TRHDE: variants seen among roughly 807,000 people sequenced by gnomAD.
TRHDE encodes the protein thyrotropin-releasing hormone-degrading ectoenzyme.
TRHDE carries 72 observed loss-of-function variants against 125.7 expected under a neutral mutation model. The observed-to-expected ratio is 0.57, with a 90% CI of 0.47 to 0.70. TRHDE has a LOEUF of 0.70. Ranked by LOEUF, TRHDE falls within the 30% of genes least tolerant of loss-of-function variation. The pLI, the probability that TRHDE is intolerant of heterozygous loss-of-function variation, is 0.00. For missense variants in TRHDE, 1,110 were observed against 1,327.1 expected (o/e 0.84, Z 2.54); for synonymous variants, 509 against 509.1 (o/e 1.00, Z 0.00).
intron 5 of TRHDE, among the ~76,000 whole-genome samples, chr12:72,483,344 G>T (rs1039969689): frequency 1.3e-5 from 2 of 151,882 alleles, no homozygotes; most frequent in Non-Finnish European, 2.9e-5. Context: ...TTGGCTGTCT[G>T]CTACTTAATA....
intron 2 of TRHDE, among the ~76,000 whole-genome samples, chr12:72,157,031 A>G (rs772860341): frequency 6.6e-6 from 1 of 152,206 alleles, no homozygotes; most frequent in Non-Finnish European, 1.5e-5. Flanking sequence ...ATTTCCAAGC[A>G]GTGAACAAGT....
intron 2 of TRHDE, among the ~76,000 whole-genome samples, chr12:72,211,470 G>T (rs1193850858): frequency 2.6e-5 from 4 of 152,168 alleles, no homozygotes; most frequent in Admixed American, 6.5e-5. Flanking sequence ...AAAATAGTCA[G>T]TCTATCAGAA....
At chr12:72,613,053 C>A (rs1031973818) in intron 12 of TRHDE, among the ~76,000 whole-genome samples, 20 of 152,144 alleles carry the variant, frequency 1.3e-4, no homozygotes, top group African/African-American at 4.8e-4. Context: ...TAAATGTTTA[C>A]TGAAGAAGGA....
chr12:72,242,882 T>C (rs1172222808), intron 2 of TRHDE, among the ~76,000 whole-genome samples: 1 of 152,198 alleles, frequency 6.6e-6, no homozygotes, highest in African/African-American at 2.4e-5. Context: ...ACACCCCATG[T>C]CCACTTCTTG....
At chr12:72,620,699 C>T (rs1220835699) in intron 13 of TRHDE, among the ~76,000 whole-genome samples, 1 of 152,050 alleles carries the variant, frequency 6.6e-6, no homozygotes. Context: ...AGTAGTTTTG[C>T]ATTAAATATG....
chr12:72,189,732 C>T (rs1184200654), intron 2 of TRHDE, among the ~76,000 whole-genome samples: 2 of 152,162 alleles, frequency 1.3e-5, no homozygotes, highest in Non-Finnish European at 2.9e-5. Context: ...ACATATCCCA[C>T]ATTTGGGAAT....
At chr12:72,417,939 A>G (rs1873799121) in intron 3 of TRHDE, among the ~76,000 whole-genome samples, 1 of 152,042 alleles carries the variant, frequency 6.6e-6, no homozygotes. Flanking sequence ...ATATATGGCC[A>G]TTGTCTAGAA....
At chr12:72,165,652 A>G (rs895961305) in intron 2 of TRHDE, among the ~76,000 whole-genome samples, 6 of 151,914 alleles carry the variant, frequency 3.9e-5, no homozygotes, top group Non-Finnish European at 5.9e-5. Flanking sequence ...TTAATATATA[A>G]TAAGTCACAC....
At chr12:72,587,024 C>T (rs1871469344) in intron 12 of TRHDE, among the ~76,000 whole-genome samples, 1 of 152,104 alleles carries the variant, frequency 6.6e-6, no homozygotes, top group Non-Finnish European at 1.5e-5. Flanking sequence ...GTTGGTGTTG[C>T]ATTCCCAGTG....
At chr12:72,527,625 G>A (rs1206437724) in intron 6 of TRHDE, among the ~76,000 whole-genome samples, 2 of 151,270 alleles carry the variant, frequency 1.3e-5, no homozygotes, top group African/African-American at 2.4e-5. Flanking sequence ...GAGTCTGAGG[G>A]AGAGATTACG....
At chr12:72,658,345 A>G (rs560931513) in intron 18 of TRHDE, among the ~76,000 whole-genome samples, 8 of 152,314 alleles carry the variant, frequency 5.3e-5, no homozygotes, top group Non-Finnish European at 1.0e-4. Context: ...TAATCTGGGA[A>G]TTAAAGACTC....
chr12:72,613,650 A>C (rs1872707608), intron 12 of TRHDE, among the ~76,000 whole-genome samples: 1 of 152,200 alleles, frequency 6.6e-6, no homozygotes, highest in Admixed American at 6.6e-5. Context: ...CTATGAGAAA[A>C]TCATGACTAA....
At chr12:72,172,997 T>A (rs937610251) in intron 2 of TRHDE, among the ~76,000 whole-genome samples, 1 of 152,204 alleles carries the variant, frequency 6.6e-6, no homozygotes, top group Non-Finnish European at 1.5e-5. Flanking sequence ...TGAAGGTATA[T>A]CAGAATACTA....
chr12:72,117,269 AG>A (rs1875467082), intron 2 of TRHDE, among the ~76,000 whole-genome samples: 1 of 152,020 alleles, frequency 6.6e-6, no homozygotes, highest in Non-Finnish European at 1.5e-5. Context: ...TGAGAGATAA[AG>A]GTCTAGTTTC....
rs187427840 is a variant in TRHDE at position 72,189,063 on chromosome 12, C to T, written n.279+83311C>T. ...TTAGCTGCCCTAAAATCTTGGTAGG[C>T]AGGAAAAGAAAGAATGAATAAATGA... On this transcript the variant is annotated intron_variant and non_coding_transcript_variant, in intron 2 of 4. Transcript: ENST00000548156. Among the ~76,000 whole-genome samples the T allele has an allele frequency of 5.6e-4, 85 of 152,218 alleles. No homozygotes were observed. In the East Asian group the frequency reaches 7.7e-3, roughly 14 times the overall value.
chr12:72,338,652 GC>G (rs1302169115), intron 2 of TRHDE, among the ~76,000 whole-genome samples: 1 of 152,144 alleles, frequency 6.6e-6, no homozygotes. Flanking sequence ...TGTATGTAAA[GC>G]CCTGTGCAAA....
In TRHDE at chr12:72,183,671, G is replaced by A. The variant is rs553070800; in HGVS notation, n.279+77919G>A. ...GGCTTTGTGTATCTGAGAGATGAGG[G>A]CTTCTTCATGCAGAGTTTGGAGTCT... On this transcript the variant is annotated intron_variant and non_coding_transcript_variant, in intron 2 of 4. Coordinates refer to the TRHDE transcript ENST00000548156. Among the ~76,000 whole-genome samples the A allele has an allele frequency of 2.6e-5, 4 of 152,176 alleles. No individual in the cohort carries two copies. In the East Asian group the frequency reaches 5.8e-4, roughly 22 times the overall value.
chr12:72,393,469 G>T (rs1217888414), intron 3 of TRHDE, among the ~76,000 whole-genome samples: 4 of 152,154 alleles, frequency 2.6e-5, no homozygotes, highest in African/African-American at 9.7e-5. Context: ...GGAGGCAAGG[G>T]CAGTGAGGGG....
intron 3 of TRHDE, among the ~76,000 whole-genome samples, chr12:72,425,983 C>T (rs1236465945): frequency 6.6e-6 from 1 of 151,912 alleles, no homozygotes; most frequent in Non-Finnish European, 1.5e-5. Context: ...ACTGTTCATG[C>T]CAATAAACCC....
Sources: allele counts gnomAD v4.1 joint callset (sites outside exome capture counted in the v4.1 genomes callset), GRCh38; gene constraint gnomAD v4.1.1; transcripts MANE v1.5; gene names NCBI Gene and HGNC (gene_info 2026-07-23, HGNC 2026-07-21).